Variants in CACNA1I observed in about 807,000 individuals in gnomAD.
CACNA1I encodes the protein calcium voltage-gated channel subunit alpha1 I.
Under a neutral mutation model 201.6 loss-of-function variants are expected in CACNA1I, and 74 were observed. The ratio of observed to expected loss-of-function variants is 0.37; its 90% CI spans 0.30 to 0.45. The LOEUF is 0.45. CACNA1I is among the 20% of genes least tolerant of loss of function. The pLI, the probability that CACNA1I is intolerant of heterozygous loss-of-function variation, is 1.00. For missense variants in CACNA1I, 2,346 were observed against 3,138.1 expected (o/e 0.75, Z 6.03); for synonymous variants, 1,431 against 1,345.2 (o/e 1.06, Z -1.40).
At chr22:39,653,323 T>C (rs1934707071) in intron 10 of CACNA1I, among the ~76,000 whole-genome samples, 1 of 152,180 alleles carries the variant, frequency 6.6e-6, no homozygotes, top group Admixed American at 6.5e-5. Context: ...GAAATGTCCC[T>C]TATAAAGCAG....
At chr22:39,682,199 G>A (rs1298552236) in intron 34 of CACNA1I, among the ~76,000 whole-genome samples, 1 of 152,218 alleles carries the variant, frequency 6.6e-6, no homozygotes, top group Non-Finnish European at 1.5e-5. Context: ...TGGGACACTC[G>A]TGTGGCCACT....
chr22:39,668,836 G>A (rs971597349), intron 24 of CACNA1I, among the ~76,000 whole-genome samples: 4 of 152,178 alleles, frequency 2.6e-5, no homozygotes, highest in East Asian at 3.8e-4. Context: ...GCAAGCCCCC[G>A]GGTGTGCCAT....
chr22:39,670,684 TCAA>T (rs1288566581), intron 25 of CACNA1I, 116 bp from the exon 26 acceptor site: 3 of 939,850 alleles, frequency 3.2e-6, no homozygotes, highest in Non-Finnish European at 5.1e-6. Flanking sequence ...CTGGGGTGGA[TCAA>T]CATCTTCCTC....
Position 39,632,297 on chromosome 22 carries a change from T to C in CACNA1I, c.581-2268T>C, listed in dbSNP as rs538823910. On this transcript the variant is annotated intron_variant, in intron 4 of 36. Transcript: ENST00000402142. ...CCTGGCCTCGGGGCTCGCCCATTCT[T>C]TTTTGAAGCTCAGAGCTGATCGAGG... Among the ~76,000 whole-genome samples the C allele has an allele frequency of 7.9e-5, 12 of 152,300 alleles. No homozygotes were observed. In the East Asian group the frequency reaches 2.3e-3, roughly 29 times the overall value.
chr22:39,673,202 C>A, intron 28 of CACNA1I, 120 bp downstream of exon 28: 1 of 1,077,630 alleles, frequency 9.3e-7, no homozygotes, highest in Non-Finnish European at 1.4e-6. Flanking sequence ...AGTTTGCAGG[C>A]ATGGTGGGCT....
chr22:39,597,635 C>G (rs1239355878), intron 1 of CACNA1I, among the ~76,000 whole-genome samples: 1 of 152,242 alleles, frequency 6.6e-6, no homozygotes, highest in Non-Finnish European at 1.5e-5. Context: ...TACCTGAGCC[C>G]TAACCCTGGC....
intron 31 of CACNA1I, 115 bp from the exon 32 acceptor site, chr22:39,678,992 T>C: frequency 5.1e-6 from 4 of 778,026 alleles, no homozygotes; most frequent in Non-Finnish European, 6.0e-6. Flanking sequence ...CGGGGCCATC[T>C]CGGGGGTTGA....
At chr22:39,639,360 G>A (rs1294894022) in intron 5 of CACNA1I, among the ~76,000 whole-genome samples, 3 of 152,100 alleles carry the variant, frequency 2.0e-5, no homozygotes, top group Admixed American at 6.5e-5. Flanking sequence ...CAATCTGGTC[G>A]AACTTTTCCT....
At chr22:39,624,742 G>C (rs1933851540) in intron 4 of CACNA1I, among the ~76,000 whole-genome samples, 1 of 152,216 alleles carries the variant, frequency 6.6e-6, no homozygotes, top group South Asian at 2.1e-4. Context: ...GCCACCAGGG[G>C]ATTAGTGACT....
rs1299064375 is a variant in CACNA1I, at chr22:39,680,783, A to G, written c.5542-147A>G. The G allele has an allele frequency of 6.1e-6, 5 of 817,726 alleles. No homozygotes were observed. The East Asian group carries it at 1.5e-4, about 25-fold the overall frequency. 50.7% of individuals were successfully genotyped at this position (817,726 alleles called of 1,614,324 possible). A position where few individuals can be genotyped will look rare whatever the true frequency, so the allele number is the denominator to read the frequency against. On this transcript the variant is annotated intron_variant, in intron 33 of 36. Coordinates refer to ENST00000402142, the MANE Select transcript of CACNA1I (RefSeq NM_021096.4). ...GGCTGGGCCCCTGCACAGGATGGAC[A>G]CATCATCCGTGTCCAGCAGGTGTCT...
chr22:39,669,368 C>T (rs907428187), intron 24 of CACNA1I, among the ~76,000 whole-genome samples: 4 of 152,352 alleles, frequency 2.6e-5, no homozygotes, highest in African/African-American at 9.6e-5. Context: ...CCCACCAGTG[C>T]ATGCATGCAC....
At chr22:39,602,553 G>GA (rs58503031) in intron 3 of CACNA1I, among the ~76,000 whole-genome samples, 139,234 of 152,100 alleles carry the variant, frequency 0.92, 63,914 homozygotes, top group Middle Eastern at 0.96. Flanking sequence ...TCTTTAAGTA[G>GA]TTTTTTTTTA....
chr22:39,686,161 CA>C lies in CACNA1I; in HGVS notation c.6429del (p.Ala2144ProfsTer128), dbSNP rs1232436236. On this transcript the variant is annotated frameshift_variant, in exon 37 of 37. Coordinates refer to ENST00000402142, the MANE Select transcript of CACNA1I (RefSeq NM_021096.4). LOFTEE classifies it low-confidence loss of function (END_TRUNC). ...CTCTTCTGCCCGCCGCCCCCGCCGC[CA>C]GCCCCCGGCCTCACGCCCGCCAGGA... is the stretch of plus-strand genomic sequence containing the variant. ...TSLFCPPPPPPAPGLTPARKF... is the reference protein window; with the variant it reads ...TSLFCPPPPPXAPGLTPARKF... The C allele has an allele frequency of 7.8e-7, 1 of 1,282,738 alleles. No homozygotes were observed. The highest frequency in any genetic ancestry group is 1.6e-5 in the African/African-American group (1 of 64,270). 79.5% of individuals were successfully genotyped at this position (1,282,738 alleles called of 1,614,324 possible).
Position 39,603,836 on chromosome 22 carries a change from A to G in CACNA1I, c.482+3183A>G, listed in dbSNP as rs151025442. 3.9e-3 allele frequency among the ~76,000 whole-genome samples: 592 copies of G among 152,336 alleles called. 3 individuals are homozygous for G. Among genetic ancestry groups the G allele is most frequent in the Non-Finnish European group, 7.0e-3 (475 of 68,034 alleles). On this transcript the variant is annotated intron_variant, in intron 3 of 36. Transcript: ENST00000402142. ...TAGGAAGAAAGTGAGATTAGAGTCA[A>G]AACTGGTTAATAACCTACAGGGTAA... is the stretch of plus-strand genomic sequence containing the variant.
At chr22:39,680,739 C>G (rs1935678208) in intron 33 of CACNA1I, among the ~76,000 whole-genome samples, 191 bp from the exon 34 acceptor site, 1 of 152,184 alleles carries the variant, frequency 6.6e-6, no homozygotes, top group South Asian at 2.1e-4. Flanking sequence ...GCCACTGTGT[C>G]ACCATCGCAT....
intron 1 of CACNA1I, among the ~76,000 whole-genome samples, chr22:39,582,967 T>C (rs1432675386): frequency 7.1e-6 from 1 of 140,732 alleles, no homozygotes; most frequent in South Asian, 2.4e-4. Context: ...CATCCAACAA[T>C]CCATCCATCC....
rs914228098 is a variant in CACNA1I, at chr22:39,686,138, C to T, written c.6405C>T (p.Leu2135=). ...ETLSSLSLTS[L]FCPPPPPPAP... is the part of the protein sequence containing the mutation. ...TCAGCAGCCTCTCGCTCACCTCCCTCTTCTGCCCGCCGCCCCCGCCGCCAG... is the reference window on the plus strand; with the variant it reads ...TCAGCAGCCTCTCGCTCACCTCCCTTTTCTGCCCGCCGCCCCCGCCGCCAG... Residue 2135 remains leucine, a synonymous_variant, in exon 37 of 37, where the codon CTC becomes CTT. Transcript: ENST00000402142. The T allele has an allele frequency of 3.1e-6, 4 of 1,272,852 alleles. No homozygotes were observed. The highest frequency in any genetic ancestry group is 3.8e-5 in the Admixed American group (1 of 26,644). 78.8% of individuals were successfully genotyped at this position (1,272,852 alleles called of 1,614,324 possible). A position where few individuals can be genotyped will look rare whatever the true frequency, so the allele number is the denominator to read the frequency against.
At position 39,662,094 on chromosome 22, in the gene CACNA1I, C is replaced by CGCG. The variant is rs745984160; in HGVS notation, c.3041_3043dup (p.Gly1014dup). The CGCG allele has an allele frequency of 3.4e-5, 52 of 1,528,882 alleles. 2 individuals are homozygous for CGCG. In the South Asian group the frequency reaches 5.9e-4, roughly 17 times the overall value. 94.7% of individuals were successfully genotyped at this position (1,528,882 alleles called of 1,614,324 possible). A position where few individuals can be genotyped will look rare whatever the true frequency, so the allele number is the denominator to read the frequency against. On this transcript the variant is annotated inframe_insertion, in exon 17 of 37. Transcript: ENST00000402142. ...GCATGAGTCCCTGCTCTCTGCGGAGCGCGGCGGCGGCGCCCGGGTCTGCGA... is the reference window on the plus strand; with the variant it reads ...GCATGAGTCCCTGCTCTCTGCGGAGCGCGGCGGCGGCGGCGCCCGGGTCTGCGA...
intron 1 of CACNA1I, among the ~76,000 whole-genome samples, chr22:39,571,591 C>G (rs547930813): frequency 6.6e-6 from 1 of 151,124 alleles, no homozygotes; most frequent in Non-Finnish European, 1.5e-5. Context: ...CCCAGCCTCA[C>G]TTCCCACCAC....
Sources: gnomAD v4.1 joint callset for allele counts (sites outside exome capture counted in the v4.1 genomes callset) on GRCh38, gnomAD v4.1.1 for gene constraint, MANE v1.5 for transcripts, NCBI Gene and HGNC (gene_info 2026-07-23, HGNC 2026-07-21) for gene names.